The following VAV3 variants were observed in gnomAD, a reference collection of about 807,000 sequenced individuals.
The protein encoded by VAV3 is vav guanine nucleotide exchange factor 3, also known as guanine nucleotide exchange factor VAV3.
In VAV3, 94 loss-of-function variants were observed where a neutral mutation model predicts 131.2. The observed-to-expected ratio is 0.72, with a 90% confidence interval of 0.61 to 0.85. VAV3 has a LOEUF of 0.85. Among genes scored for constraint, VAV3 ranks in the 40% least tolerant of loss-of-function variants. The pLI is 0.00. For missense variants in VAV3, 939 were observed against 1,002.7 expected, an observed-to-expected ratio of 0.94 and a Z score of 0.86; for synonymous variants, 349 against 342.0, an observed-to-expected ratio of 1.02 and a Z score of -0.22.
chr1:107,836,775 T>C (rs1220350089), intron 2 of VAV3, among the ~76,000 whole-genome samples: 2 of 152,172 alleles, frequency 1.3e-5, no homozygotes, highest in Non-Finnish European at 2.9e-5. Context: ...CTCAGACTAT[T>C]ATGAATACCT....
chr1:107,898,173 C>T (rs1036235766), intron 1 of VAV3, among the ~76,000 whole-genome samples: 6 of 151,470 alleles, frequency 4.0e-5, no homozygotes, highest in African/African-American at 1.2e-4. Flanking sequence ...TATGGGGGAA[C>T]GAGTATCATC....
At chr1:107,616,435 G>C (rs1653159531) in intron 21 of VAV3, among the ~76,000 whole-genome samples, 1 of 152,116 alleles carries the variant, frequency 6.6e-6, no homozygotes, top group Admixed American at 6.6e-5. Flanking sequence ...GGGCCTCCTT[G>C]AGGGTGGAAG....
At chr1:107,862,532 T>C (rs1414259992) in intron 2 of VAV3, among the ~76,000 whole-genome samples, 1 of 151,598 alleles carries the variant, frequency 6.6e-6, no homozygotes, top group Non-Finnish European at 1.5e-5. Context: ...TCACTGTTGT[T>C]TGTGTAGACA....
intron 1 of VAV3, among the ~76,000 whole-genome samples, chr1:107,933,056 C>G (rs944499722): frequency 6.6e-6 from 1 of 152,214 alleles, no homozygotes; most frequent in Admixed American, 6.5e-5. Context: ...TATATCTCCC[C>G]AATAAATATG....
intron 1 of VAV3, among the ~76,000 whole-genome samples, chr1:107,894,467 C>T (rs17020276): frequency 0.062 from 9,457 of 152,110 alleles, 424 homozygotes; most frequent in African/African-American, 0.13. Flanking sequence ...ACAAGCTGAA[C>T]TCTCATAATA....
intron 15 of VAV3, among the ~76,000 whole-genome samples, chr1:107,724,291 G>C (rs762735791): frequency 1.3e-5 from 2 of 151,318 alleles, no homozygotes; most frequent in Non-Finnish European, 2.9e-5. Context: ...CTGCAACATA[G>C]GTCCCCACTT....
chr1:107,898,436 C>T (rs1414153945), intron 1 of VAV3, among the ~76,000 whole-genome samples: 1 of 152,222 alleles, frequency 6.6e-6, no homozygotes, highest in Non-Finnish European at 1.5e-5. Context: ...GTTTCCACCA[C>T]AGCCAGTGGC....
At chr1:107,705,148 G>A in intron 15 of VAV3, 87 bp from the exon 16 acceptor site, 7 of 1,050,486 alleles carry the variant, frequency 6.7e-6, no homozygotes, top group Non-Finnish European at 8.5e-6. Flanking sequence ...TCATCAAAAT[G>A]ACATCAGGTA....
Position 107,623,305 on chromosome 1 carries a change from C to A in VAV3, c.1915-5673G>T, listed in dbSNP as rs969827659. Among the ~76,000 whole-genome samples, 7 of 152,304 alleles carry A rather than the reference C, an allele frequency of 4.6e-5. No homozygotes were observed. In the South Asian group the frequency reaches 8.3e-4, roughly 18 times the overall value. ...CAAAGAATTAATATGCATGAAAGTA[C>A]TTTGCAAATGCTAAATACTTGTTTT... On this transcript the variant is annotated intron_variant, in intron 20 of 26. Transcript: ENST00000370056.
intron 2 of VAV3, among the ~76,000 whole-genome samples, chr1:107,787,585 G>A (rs1443942631): frequency 6.6e-6 from 1 of 152,100 alleles, no homozygotes; most frequent in Non-Finnish European, 1.5e-5. Context: ...CAGGTTTGAT[G>A]GGCAAGAATG....
intron 15 of VAV3, among the ~76,000 whole-genome samples, chr1:107,716,490 A>G (rs1228109363): frequency 6.6e-6 from 1 of 152,172 alleles, no homozygotes; most frequent in Non-Finnish European, 1.5e-5. Context: ...TATTGAGATA[A>G]TCATGTGGTT....
intron 2 of VAV3, among the ~76,000 whole-genome samples, chr1:107,814,754 G>A (rs1018365026): frequency 6.6e-6 from 1 of 152,216 alleles, no homozygotes; most frequent in Non-Finnish European, 1.5e-5. Flanking sequence ...GAGCAATGCA[G>A]AGGTATGATG....
chr1:107,833,097 A>C (rs1408567378), intron 2 of VAV3, among the ~76,000 whole-genome samples: 4 of 152,178 alleles, frequency 2.6e-5, no homozygotes, highest in Non-Finnish European at 5.9e-5. Flanking sequence ...TTAGCGAGGA[A>C]GGCATGTCAA....
intron 17 of VAV3, among the ~76,000 whole-genome samples, chr1:107,693,406 G>A (rs1006904138): frequency 1.3e-5 from 2 of 152,054 alleles, no homozygotes; most frequent in Admixed American, 1.3e-4. Context: ...ATGCACTTGA[G>A]TTAATAATCT....
intron 2 of VAV3, among the ~76,000 whole-genome samples, chr1:107,869,530 T>C (rs957700716): frequency 6.6e-6 from 1 of 152,114 alleles, no homozygotes; most frequent in African/African-American, 2.4e-5. Flanking sequence ...ACTCAATACA[T>C]GGATGAGGAA....
chr1:107,687,539 A>T (rs1212041137), intron 18 of VAV3, among the ~76,000 whole-genome samples: 1 of 152,130 alleles, frequency 6.6e-6, no homozygotes, highest in East Asian at 1.9e-4. Context: ...GATTTCTAAA[A>T]ATGTTTTGCT....
chr1:107,692,831 C>T (rs1659509921), intron 17 of VAV3, among the ~76,000 whole-genome samples: 1 of 152,152 alleles, frequency 6.6e-6, no homozygotes, highest in South Asian at 2.1e-4. Flanking sequence ...GGCTTGCATT[C>T]TCACTAAAGG....
intron 2 of VAV3, among the ~76,000 whole-genome samples, chr1:107,839,125 A>T (rs1336670033): frequency 1.3e-5 from 2 of 152,192 alleles, no homozygotes; most frequent in Non-Finnish European, 2.9e-5. Context: ...GGAAAAATTA[A>T]AAGAATACTG....
At chr1:107,669,283 A>C (rs985335021) in intron 19 of VAV3, 26 of 1,283,106 alleles carry the variant, frequency 2.0e-5, no homozygotes, top group Non-Finnish European at 2.6e-5. Flanking sequence ...TCGCTGTGTA[A>C]GTGGGGACAA....
Sources: allele counts gnomAD v4.1 joint callset (sites outside exome capture counted in the v4.1 genomes callset), GRCh38; gene constraint gnomAD v4.1.1; transcripts MANE v1.5; gene names NCBI Gene and HGNC (gene_info 2026-07-23, HGNC 2026-07-21).